MPZL1: variants seen among roughly 807,000 people sequenced by gnomAD.
MPZL1 encodes myelin protein zero like 1.
In MPZL1, 16 loss-of-function variants were observed where a neutral mutation model predicts 29.3. That is an observed-to-expected ratio of 0.55 (90% CI 0.37 to 0.83). The LOEUF (loss-of-function observed/expected upper bound fraction) is 0.83, where lower values mean the gene tolerates loss of function less well. Among genes scored for constraint, MPZL1 ranks in the 40% least tolerant of loss-of-function variants. MPZL1 has a pLI of 0.00. For synonymous variants in MPZL1, 143 were observed against 132.0 expected, an observed-to-expected ratio of 1.08 and a Z score of -0.57; for missense variants, 279 against 332.9, an observed-to-expected ratio of 0.84 and a Z score of 1.26.
At position 167,760,348 on chromosome 1, in the gene MPZL1, G is replaced by A. The variant is rs998681736; in HGVS notation, c.92-5235G>A. 3.1e-4 allele frequency among the ~76,000 whole-genome samples: 23 copies of A among 74,604 alleles called. No homozygotes were observed. The East Asian group carries it at 7.6e-3, about 25-fold the overall frequency. The allele number at this position is 74,604 out of a possible 152,430, so 48.9% of individuals were successfully genotyped here. ...CTTCCGATTAGCTGGTACTACAGGC[G>A]CCCGCCACCACACCAGCTAATTCTT... On this transcript the variant is annotated intron_variant, in intron 1 of 5. Coordinates refer to ENST00000359523, the MANE Select transcript of MPZL1 (RefSeq NM_003953.6).
chr1:167,786,608 T>C (rs1326737628), intron 5 of MPZL1, among the ~76,000 whole-genome samples: 1 of 152,222 alleles, frequency 6.6e-6, no homozygotes, highest in Non-Finnish European at 1.5e-5. Context: ...ACTCCGCTTT[T>C]AGATGCACCA....
intron 3 of MPZL1, 47 bp from the exon 4 acceptor site, chr1:167,773,189 C>G (rs1187001439): frequency 6.4e-7 from 1 of 1,554,096 alleles, no homozygotes; most frequent in Non-Finnish European, 8.8e-7. Context: ...TCCATGTTTT[C>G]TCTCTGTAGC....
Position 167,734,331 on chromosome 1 carries a change from C to T in MPZL1, c.91+12089C>T, listed in dbSNP as rs985977574. Among the ~76,000 whole-genome samples the T allele has an allele frequency of 3.3e-5, 5 of 152,036 alleles. No individual in the cohort carries two copies. In the East Asian group the frequency reaches 5.8e-4, roughly 18 times the overall value. On this transcript the variant is annotated intron_variant, in intron 1 of 5. Transcript: ENST00000359523. ...TTGAATGCCTTCCTCCATAGTAAGC[C>T]GAGGCAGGCCTGGCATTTCAAGTTC...
rs1380179221 is a variant in MPZL1 at position 167,722,009 on chromosome 1, C to G, written c.-143C>G. 5 of 1,161,334 alleles carry G rather than the reference C, an allele frequency of 4.3e-6. No individual in the cohort carries two copies. The highest frequency in any genetic ancestry group is 5.4e-6 in the Non-Finnish European group (5 of 924,408). 71.9% of individuals were successfully genotyped at this position (1,161,334 alleles called of 1,614,324 possible). A position where few individuals can be genotyped will look rare whatever the true frequency, so the allele number is the denominator to read the frequency against. Reference sequence around the variant, plus strand: ...AGAGCTGGAGAGCCGCGGCTGGGACCGGAGTGGGGAGCGCGGCGTGGAGGT... The same window carrying G: ...AGAGCTGGAGAGCCGCGGCTGGGACGGGAGTGGGGAGCGCGGCGTGGAGGT... On this transcript the variant is annotated 5_prime_UTR_variant, in exon 1 of 6. Transcript: ENST00000359523.
intron 1 of MPZL1, among the ~76,000 whole-genome samples, chr1:167,731,331 GA>G (rs66681160): frequency 1 from 152,201 of 152,202 alleles, 76,100 homozygotes; most frequent in Non-Finnish European, 1. Flanking sequence ...AGCTATTCGG[GA>G]AGGCTGAGGC....
intron 1 of MPZL1, among the ~76,000 whole-genome samples, chr1:167,762,141 A>G (rs892609214): frequency 2.6e-5 from 4 of 151,996 alleles, no homozygotes; most frequent in Non-Finnish European, 5.9e-5. Context: ...GGCATTTGCA[A>G]TGTCTGGAGA....
At chr1:167,741,982 A>T (rs545671524) in intron 1 of MPZL1, among the ~76,000 whole-genome samples, 2 of 151,970 alleles carry the variant, frequency 1.3e-5, no homozygotes, top group African/African-American at 4.8e-5. Flanking sequence ...GAAGTGAGCC[A>T]TGATCATGCC....
intron 2 of MPZL1, among the ~76,000 whole-genome samples, chr1:167,771,822 C>T (rs1021710695): frequency 6.6e-6 from 1 of 152,114 alleles, no homozygotes; most frequent in African/African-American, 2.4e-5. Context: ...CCACTGCACT[C>T]CAGCCTGGGC....
At chr1:167,785,143 A>T (rs1353022062) in intron 5 of MPZL1, among the ~76,000 whole-genome samples, 2 of 152,140 alleles carry the variant, frequency 1.3e-5, no homozygotes, top group Non-Finnish European at 2.9e-5. Context: ...CATTCTGTGG[A>T]TTGGTCGAGC....
At chr1:167,771,186 G>A (rs934946432) in intron 2 of MPZL1, among the ~76,000 whole-genome samples, 3 of 151,970 alleles carry the variant, frequency 2.0e-5, no homozygotes, top group Non-Finnish European at 2.9e-5. Flanking sequence ...TTAGGGAGTG[G>A]TGATGACTCT....
intron 5 of MPZL1, among the ~76,000 whole-genome samples, chr1:167,778,841 A>C (rs531032164): frequency 1.3e-5 from 2 of 152,288 alleles, no homozygotes; most frequent in East Asian, 3.9e-4. Context: ...GCAAAAAAAA[A>C]AGGTCAATCA....
chr1:167,772,120 AAAG>A (rs1027388387), intron 2 of MPZL1, among the ~76,000 whole-genome samples, 152 bp from the exon 3 acceptor site: 13 of 152,306 alleles, frequency 8.5e-5, no homozygotes, highest in African/African-American at 2.9e-4. Context: ...GAGACCGAAA[AAAG>A]GAGGAGAGAG....
intron 1 of MPZL1, among the ~76,000 whole-genome samples, chr1:167,737,771 T>G (rs1418502124): frequency 6.6e-6 from 1 of 152,212 alleles, no homozygotes; most frequent in African/African-American, 2.4e-5. Context: ...AATGACACTT[T>G]AGATATGAGG....
chr1:167,775,875 A>G (rs1661355201), intron 4 of MPZL1, among the ~76,000 whole-genome samples, 189 bp from the exon 5 acceptor site: 1 of 152,218 alleles, frequency 6.6e-6, no homozygotes, highest in Admixed American at 6.5e-5. Context: ...ACTTAGAAGA[A>G]TGAGTGAGTG....
intron 2 of MPZL1, 41 bp downstream of exon 2, chr1:167,765,790 G>T: frequency 1.3e-6 from 2 of 1,515,580 alleles, no homozygotes; most frequent in African/African-American, 1.4e-5. Context: ...CTGCCTCACA[G>T]GTTTCTTTAC....
In MPZL1 at chr1:167,782,041, C is replaced by T. The variant is rs942093047; in HGVS notation, c.709-5779C>T. On this transcript the variant is annotated intron_variant, in intron 5 of 5. Coordinates refer to ENST00000359523, the MANE Select transcript of MPZL1 (RefSeq NM_003953.6). The stretch of plus-strand genomic sequence containing the variant: ...TTTCTCTATGCTCTAAGTCTCTTAA[C>T]CTCTCTTGCAGATCTTTCATTGTAT... Among the ~76,000 whole-genome samples the T allele has an allele frequency of 2.6e-5, 4 of 152,046 alleles. No homozygotes were observed. In the East Asian group the frequency reaches 7.7e-4, roughly 29 times the overall value.
At chr1:167,759,879 T>A (rs1052573943) in intron 1 of MPZL1, among the ~76,000 whole-genome samples, 1 of 152,110 alleles carries the variant, frequency 6.6e-6, no homozygotes, top group Non-Finnish European at 1.5e-5. Flanking sequence ...GGGGTCAGGG[T>A]AGGCAATGAG....
intron 1 of MPZL1, among the ~76,000 whole-genome samples, chr1:167,723,423 G>A (rs1660081240): frequency 6.6e-6 from 1 of 152,208 alleles, no homozygotes; most frequent in African/African-American, 2.4e-5. Context: ...CTACCCTCCA[G>A]GGGTTGACAG....
At chr1:167,781,061 A>T (rs1039326600) in intron 5 of MPZL1, among the ~76,000 whole-genome samples, 7 of 152,160 alleles carry the variant, frequency 4.6e-5, no homozygotes, top group African/African-American at 1.7e-4. Flanking sequence ...AGAAGACATA[A>T]TCCTAAATAT....
Sources: allele counts gnomAD v4.1 joint callset (sites outside exome capture counted in the v4.1 genomes callset), GRCh38; gene constraint gnomAD v4.1.1; transcripts MANE v1.5; gene names NCBI Gene and HGNC (gene_info 2026-07-23, HGNC 2026-07-21).